The following FBP1 variants were observed in gnomAD, a reference collection of about 807,000 sequenced individuals.
FBP1 encodes fructose-1,6-bisphosphatase 1.
Under a neutral mutation model 29.9 loss-of-function variants are expected in FBP1, and 22 were observed. The observed-to-expected ratio is 0.74, with a 90% CI of 0.53 to 1.05. The LOEUF (loss-of-function observed/expected upper bound fraction) is 1.05. Ranked by LOEUF, FBP1 falls within the 50% of genes least tolerant of loss-of-function variation. The pLI is 0.00. For missense variants in FBP1, 345 were observed against 448.2 expected, an observed-to-expected ratio of 0.77 and a Z score of 2.08; for synonymous variants, 175 against 178.6, an observed-to-expected ratio of 0.98 and a Z score of 0.16.
chr9:94,611,850 A>G (rs12005833), intron 3 of FBP1, among the ~76,000 whole-genome samples: 16,953 of 152,246 alleles, frequency 0.11, 3,129 homozygotes, highest in African/African-American at 0.38. Context: ...GCACTATGCA[A>G]TGTGAAGGGG....
chr9:94,623,488 C>CA (rs1319638284), intron 1 of FBP1, among the ~76,000 whole-genome samples: 1 of 152,202 alleles, frequency 6.6e-6, no homozygotes, highest in Non-Finnish European at 1.5e-5. Flanking sequence ...ATGACATACA[C>CA]AAAAGGCCTA....
intron 3 of FBP1, among the ~76,000 whole-genome samples, chr9:94,613,606 G>A (rs1827817744): frequency 6.6e-6 from 1 of 151,858 alleles, no homozygotes; most frequent in African/African-American, 2.4e-5. Context: ...TGTCTCTACA[G>A]ACAATACAAA....
chr9:94,614,371 T>C (rs1173570796), intron 3 of FBP1, among the ~76,000 whole-genome samples: 1 of 151,370 alleles, frequency 6.6e-6, no homozygotes, highest in Non-Finnish European at 1.5e-5. Flanking sequence ...AAACCCCGTC[T>C]CTACTAAAAA....
rs181703761 is a variant in FBP1, at chr9:94,603,431, C to T, written c.967G>A (p.Asp323Asn). 7 of 1,614,034 alleles carry T rather than the reference C, an allele frequency of 4.3e-6. No individual in the cohort carries two copies. In the East Asian group the frequency reaches 6.7e-5, roughly 15 times the overall value. Residue 323 changes from aspartate to asparagine, a missense_variant, in exon 7 of 7, where the codon GAC becomes AAC. Transcript: ENST00000375326. ...ACCTTCAGGAACTCGAGCACGTCGT[C>T]GGGGGATCCCAAGATCACCGGCGCC... ...QRAPVILGSP[D>N]DVLEFLKVYE...
intron 6 of FBP1, chr9:94,604,021 CA>C: frequency 3.4e-6 from 1 of 292,080 alleles, no homozygotes; most frequent in South Asian, 3.5e-5. Context: ...CTCCTCCAAA[CA>C]GTGTGATATT....
chr9:94,618,719 A>G (rs1004884028), intron 2 of FBP1, among the ~76,000 whole-genome samples: 2 of 152,174 alleles, frequency 1.3e-5, no homozygotes, highest in African/African-American at 4.8e-5. Context: ...AATACCGCAG[A>G]TTCCTGTTTT....
chr9:94,624,684 A>G (rs960338366), intron 1 of FBP1, among the ~76,000 whole-genome samples: 14 of 152,200 alleles, frequency 9.2e-5, no homozygotes, highest in Non-Finnish European at 2.1e-4. Context: ...GAATGGGAGG[A>G]AATGAAAAAG....
In FBP1 at chr9:94,639,303, T is replaced by G; in HGVS notation, c.8A>C (p.Asp3Ala). 2 of 1,607,164 alleles carry G rather than the reference T, an allele frequency of 1.2e-6. No homozygotes were observed. Among genetic ancestry groups the G allele is most frequent in the East Asian group, 4.5e-5 (2 of 44,626 alleles). ...GACGTCCGTGTCGAAGGGCGCCTGG[T>G]CAGCCATGCTTGAACCGGGTAGAGC... The part of the protein sequence containing the change: MA[D>A]QAPFDTDVNT... The change falls in exon 1 of 7, where the codon GAC (aspartate) becomes GCC (alanine). Residue 3 changes from aspartate to alanine, a missense_variant. Asp to Ala is a moderately radical substitution (Grantham distance 126). Coordinates refer to ENST00000375326, the MANE Select transcript of FBP1 (RefSeq NM_000507.4).
At chr9:94,630,860 G>A (rs28402410) in intron 1 of FBP1, among the ~76,000 whole-genome samples, 21 of 152,180 alleles carry the variant, frequency 1.4e-4, no homozygotes, top group African/African-American at 4.1e-4. Flanking sequence ...TGGATAATGC[G>A]CGCGGTGCAC....
At chr9:94,632,715 T>C (rs1587867264) in intron 1 of FBP1, among the ~76,000 whole-genome samples, 2 of 152,278 alleles carry the variant, frequency 1.3e-5, no homozygotes, top group East Asian at 3.9e-4. Flanking sequence ...ATGATATTAA[T>C]AACATTGGTA....
chr9:94,623,826 GA>G (rs1221116457), intron 1 of FBP1, among the ~76,000 whole-genome samples: 6 of 152,214 alleles, frequency 3.9e-5, no homozygotes, highest in African/African-American at 1.4e-4. Flanking sequence ...CGCCCTTGTG[GA>G]GCGTATATTC....
At chr9:94,637,659 G>A (rs1828212036) in intron 1 of FBP1, among the ~76,000 whole-genome samples, 1 of 152,052 alleles carries the variant, frequency 6.6e-6, no homozygotes, top group Non-Finnish European at 1.5e-5. Flanking sequence ...CCAAAGTGCT[G>A]GGATGACAGG....
intron 6 of FBP1, 68 bp downstream of exon 6, chr9:94,605,389 C>A: frequency 6.4e-7 from 1 of 1,566,602 alleles, no homozygotes; most frequent in South Asian, 1.1e-5. Context: ...CTTTCTTCTT[C>A]CTAAACTAAA....
chr9:94,623,831 T>A (rs1390110416), intron 1 of FBP1, among the ~76,000 whole-genome samples: 1 of 152,214 alleles, frequency 6.6e-6, no homozygotes, highest in Non-Finnish European at 1.5e-5. Context: ...TTGTGGAGCG[T>A]ATATTCTACT....
Position 94,631,065 on chromosome 9 carries a change from A to G in FBP1, c.170+8076T>C, listed in dbSNP as rs550833079. ...AAAAAGTGCTCCAAGTTTACATTTG[A>G]TAAAATCTCACTGGGAATATTATTT... On this transcript the variant is annotated intron_variant, in intron 1 of 6. Transcript: ENST00000375326. Among the ~76,000 whole-genome samples, 9 of 152,338 alleles carry G rather than the reference A, an allele frequency of 5.9e-5. No homozygotes were observed. The East Asian group carries it at 1.5e-3, about 26-fold the overall frequency.
chr9:94,614,193 G>A (rs1337049833), intron 3 of FBP1, among the ~76,000 whole-genome samples: 1 of 138,664 alleles, frequency 7.2e-6, no homozygotes, highest in Non-Finnish European at 1.6e-5. Flanking sequence ...GAGGAGCAGG[G>A]GGAGGAGGAG....
chr9:94,611,354 A>G (rs1827783763), intron 3 of FBP1, among the ~76,000 whole-genome samples: 1 of 152,192 alleles, frequency 6.6e-6, no homozygotes, highest in Admixed American at 6.5e-5. Flanking sequence ...GCAGCTGGAG[A>G]AGGAAGTCAT....
At chr9:94,639,626 G>T, upstream of FBP1, 2 of 476,194 alleles carry the variant, frequency 4.2e-6, no homozygotes, top group East Asian at 4.2e-5. Flanking sequence ...CCGCGGCTCC[G>T]CCTGCTTGGA....
intron 4 of FBP1, among the ~76,000 whole-genome samples, chr9:94,609,103 C>T (rs1196910535): frequency 6.6e-6 from 1 of 151,512 alleles, no homozygotes; most frequent in Non-Finnish European, 1.5e-5. Context: ...GCAGGAGAAT[C>T]GCTCGAACCC....
Sources: gnomAD v4.1 joint callset for allele counts (sites outside exome capture counted in the v4.1 genomes callset) on GRCh38, gnomAD v4.1.1 for gene constraint, MANE v1.5 for transcripts, NCBI Gene and HGNC (gene_info 2026-07-23, HGNC 2026-07-21) for gene names.